TFCP2: variants seen among roughly 807,000 people sequenced by gnomAD.
The protein encoded by TFCP2 is alpha-globin transcription factor CP2.
Under a neutral mutation model 73.4 loss-of-function variants are expected in TFCP2, and 33 were observed. That is an observed-to-expected ratio of 0.45 (90% CI 0.34 to 0.60). TFCP2 has a LOEUF of 0.60. Ranked by LOEUF, TFCP2 falls within the 20% of genes least tolerant of loss-of-function variation. TFCP2 has a pLI of 0.01. For missense variants in TFCP2, 352 were observed against 604.0 expected (o/e 0.58, Z 4.37); for synonymous variants, 193 against 211.6 (o/e 0.91, Z 0.76).
At chr12:51,108,737 T>C (rs1430567915) in intron 6 of TFCP2, among the ~76,000 whole-genome samples, 1 of 152,182 alleles carries the variant, frequency 6.6e-6, no homozygotes, top group Non-Finnish European at 1.5e-5. Context: ...CACTCCAGCC[T>C]GGGTGACAAA....
chr12:51,129,131 C>T lies in TFCP2; in HGVS notation c.123-10359G>A, dbSNP rs555853500. On this transcript the variant is annotated intron_variant, in intron 1 of 14. Transcript: ENST00000257915. ...TATCAGGTTTCATTAAAAACAAAGTCTGAATGAAGAAAATGTCATTCTCTA... is the reference window on the plus strand; with the variant it reads ...TATCAGGTTTCATTAAAAACAAAGTTTGAATGAAGAAAATGTCATTCTCTA... 2.0e-5 allele frequency among the ~76,000 whole-genome samples: 3 copies of T among 152,226 alleles called. No individual in the cohort carries two copies. The South Asian group carries it at 6.2e-4, about 32-fold the overall frequency.
chr12:51,144,783 T>C (rs796644031), intron 1 of TFCP2, among the ~76,000 whole-genome samples: 14 of 152,328 alleles, frequency 9.2e-5, no homozygotes, highest in African/African-American at 2.6e-4. Context: ...TAGACAACAC[T>C]GGACACGGTG....
intron 1 of TFCP2, chr12:51,124,962 C>T (rs758986005): frequency 5.4e-6 from 4 of 747,274 alleles, no homozygotes; most frequent in Non-Finnish European, 9.8e-6. Flanking sequence ...AAGGTCGTTG[C>T]TCACCTGCCT....
Position 51,134,740 on chromosome 12 carries a change from T to G in TFCP2, c.123-15968A>C, listed in dbSNP as rs1941023216. On this transcript the variant is annotated intron_variant, in intron 1 of 14. Transcript: ENST00000257915. ...AACAGTATTTTAAAAACAAACATAA[T>G]AAAAGACAAGTCTAAAAGATCATAC... 3.3e-5 allele frequency among the ~76,000 whole-genome samples: 5 copies of G among 152,190 alleles called. No individual in the cohort carries two copies. The South Asian group carries it at 1.0e-3, about 31-fold the overall frequency.
intron 1 of TFCP2, among the ~76,000 whole-genome samples, chr12:51,157,462 T>A (rs1941560858): frequency 7.4e-6 from 1 of 135,676 alleles, no homozygotes; most frequent in Non-Finnish European, 1.8e-5. Flanking sequence ...ACTACAGGAA[T>A]GTGTTATTTT....
At chr12:51,167,302 T>A (rs1941775240) in intron 1 of TFCP2, among the ~76,000 whole-genome samples, 1 of 152,076 alleles carries the variant, frequency 6.6e-6, no homozygotes, top group Admixed American at 6.6e-5. Context: ...TAAACTAGGG[T>A]AAAACAAATG....
At chr12:51,106,386 T>A in intron 8 of TFCP2, 139 bp downstream of exon 8, 2 of 597,316 alleles carry the variant, frequency 3.3e-6, no homozygotes, top group Non-Finnish European at 5.6e-6. Context: ...CTACTCCAAA[T>A]CTCAGTTAAT....
chr12:51,169,314 A>G (rs920901471), intron 1 of TFCP2, among the ~76,000 whole-genome samples: 1 of 151,904 alleles, frequency 6.6e-6, no homozygotes, highest in Non-Finnish European at 1.5e-5. Flanking sequence ...CAGCCTGGCC[A>G]ATATGGTGAA....
intron 1 of TFCP2, among the ~76,000 whole-genome samples, chr12:51,120,966 G>A (rs1157836503): frequency 2.7e-5 from 4 of 149,914 alleles, no homozygotes; most frequent in African/African-American, 9.8e-5. Context: ...GCAAGGTGAT[G>A]AGTACAAGAG....
chr12:51,106,606 G>T lies in TFCP2; in HGVS notation c.836C>A (p.Pro279Gln). Residue 279 changes from proline (P) to glutamine (Q), a missense_variant, in exon 8 of 15, where the codon CCA becomes CAA. This residue lies in a region of TFCP2 where 47 missense variants were observed against 89.1 expected (regional missense o/e 0.53). Transcript: ENST00000257915. ...YETTILTECS[P>Q]WPEITYVNNS... is the part of the protein sequence containing the mutation. ...ATTGACATACGTGATCTCGGGCCAT[G>T]GAGAACACTAAAAACAAAGGATAAG... The T allele has an allele frequency of 6.2e-7, 1 of 1,612,986 alleles. No individual in the cohort carries two copies. Among genetic ancestry groups the T allele is most frequent in the Non-Finnish European group, 8.5e-7 (1 of 1,179,362 alleles).
intron 1 of TFCP2, among the ~76,000 whole-genome samples, chr12:51,160,728 G>A (rs1422725161): frequency 6.6e-6 from 1 of 152,138 alleles, no homozygotes; most frequent in Non-Finnish European, 1.5e-5. Flanking sequence ...GGACTCTGGG[G>A]TCTAATGAAA....
intron 1 of TFCP2, among the ~76,000 whole-genome samples, chr12:51,122,920 T>A (rs1197810224): frequency 6.6e-6 from 1 of 152,198 alleles, no homozygotes; most frequent in Admixed American, 6.5e-5. Context: ...CTCAAATACA[T>A]CACATCTGAT....
Position 51,145,787 on chromosome 12 carries a change from C to T in TFCP2, c.122+26514G>A, listed in dbSNP as rs557547349. Among the ~76,000 whole-genome samples the T allele has an allele frequency of 1.2e-4, 18 of 151,158 alleles. No individual in the cohort carries two copies. The South Asian group carries it at 3.6e-3, about 30-fold the overall frequency. On this transcript the variant is annotated intron_variant, in intron 1 of 14. Transcript: ENST00000257915. ...CAACATAAGGAGACCCCCGTCTCCA[C>T]AAAAAATACAAAAAATTAGCCAGGC...
At chr12:51,140,249 T>C (rs1941156508) in intron 1 of TFCP2, among the ~76,000 whole-genome samples, 1 of 151,968 alleles carries the variant, frequency 6.6e-6, no homozygotes, top group Non-Finnish European at 1.5e-5. Context: ...TGATTAACTA[T>C]GATTTCACTA....
intron 1 of TFCP2, among the ~76,000 whole-genome samples, chr12:51,147,344 A>AT (rs1249057676): frequency 6.6e-6 from 1 of 152,104 alleles, no homozygotes. Context: ...CAAAAAAGAA[A>AT]GAAAGAAAGA....
At chr12:51,120,909 CAAAAAAAAAAA>C (rs35941534) in intron 1 of TFCP2, among the ~76,000 whole-genome samples, 3 of 78,728 alleles carry the variant, frequency 3.8e-5, no homozygotes, top group Admixed American at 2.9e-4. Flanking sequence ...GACTGTGTCT[CAAAAAAAAAAA>C]AAAAAAAAAG....
At chr12:51,130,671 G>A (rs1442004089) in intron 1 of TFCP2, among the ~76,000 whole-genome samples, 2 of 151,952 alleles carry the variant, frequency 1.3e-5, no homozygotes, top group Non-Finnish European at 2.9e-5. Context: ...TAAACTAACT[G>A]GCTTATAAAT....
At chr12:51,133,571 A>G (rs1940998470) in intron 1 of TFCP2, among the ~76,000 whole-genome samples, 1 of 152,102 alleles carries the variant, frequency 6.6e-6, no homozygotes, top group Admixed American at 6.5e-5. Context: ...TTGGCCCCAC[A>G]AAGTGCTGGG....
At chr12:51,157,159 G>T (rs1941553715) in intron 1 of TFCP2, among the ~76,000 whole-genome samples, 1 of 151,962 alleles carries the variant, frequency 6.6e-6, no homozygotes, top group Non-Finnish European at 1.5e-5. Flanking sequence ...AGGATTACAG[G>T]CATGTGCCAC....
Sources: allele counts gnomAD v4.1 joint callset (sites outside exome capture counted in the v4.1 genomes callset), GRCh38; gene constraint gnomAD v4.1.1; regional missense constraint gnomAD v4.1.1; transcripts MANE v1.5; gene names NCBI Gene and HGNC (gene_info 2026-07-23, HGNC 2026-07-21).